Variants in MTOR observed in about 807,000 individuals in gnomAD.
MTOR encodes the protein serine/threonine-protein kinase mTOR.
Under a neutral mutation model 319.8 loss-of-function variants are expected in MTOR, and 70 were observed. The observed-to-expected ratio is 0.22, with a 90% CI of 0.18 to 0.27. The LOEUF (loss-of-function observed/expected upper bound fraction) is 0.27, where lower values mean the gene tolerates loss of function less well. Ranked by LOEUF, MTOR falls within the 10% of genes least tolerant of loss-of-function variation. MTOR has a pLI of 1.00. For missense variants in MTOR, 1,890 were observed against 3,274.4 expected, an observed-to-expected ratio of 0.58 and a Z score of 10.32; for synonymous variants, 1,183 against 1,211.4, an observed-to-expected ratio of 0.98 and a Z score of 0.49.
At chr1:11,250,039 G>C (rs897641578) in intron 6 of MTOR, among the ~76,000 whole-genome samples, 16 of 143,004 alleles carry the variant, frequency 1.1e-4, no homozygotes, top group Admixed American at 1.1e-3. Flanking sequence ...TGGCTGGCCG[G>C]GCGGGGGGCT....
At chr1:11,200,818 A>G (rs931933812) in intron 26 of MTOR, among the ~76,000 whole-genome samples, 6 of 152,016 alleles carry the variant, frequency 3.9e-5, no homozygotes, top group South Asian at 2.1e-4. Flanking sequence ...GATCGAGACC[A>G]TCCTGGCTAA....
intron 28 of MTOR, among the ~76,000 whole-genome samples, chr1:11,186,880 T>G (rs570000101): frequency 3.3e-5 from 5 of 152,184 alleles, no homozygotes; most frequent in Non-Finnish European, 7.3e-5. Flanking sequence ...GACATTTGGG[T>G]AGCTTATGCA....
rs2100922046 is a variant in MTOR at position 11,243,158 on chromosome 1, C to T, written c.1368G>A (p.Leu456=). ...GGGGCAGGGCCGCTCGGATGATGTC[C>T]AGCACGCGAGGCAAATAGACCTTAA... ...SEFKVYLPRV[L]DIIRAALPPK... is the part of the protein sequence containing the mutation. Residue 456 remains leucine, a synonymous_variant, in exon 9 of 58, where the codon CTG becomes CTA. Coordinates refer to ENST00000361445, the MANE Select transcript of MTOR (RefSeq NM_004958.4). The T allele has an allele frequency of 6.2e-7, 1 of 1,614,112 alleles. No individual in the cohort carries two copies. Among genetic ancestry groups the T allele is most frequent in the Non-Finnish European group, 8.5e-7 (1 of 1,180,038 alleles).
intron 26 of MTOR, among the ~76,000 whole-genome samples, chr1:11,201,327 A>G (rs1470061927): frequency 6.6e-6 from 1 of 152,212 alleles, no homozygotes; most frequent in African/African-American, 2.4e-5. Flanking sequence ...TAATAAATAC[A>G]TCAGCTGAGT....
At chr1:11,151,143 G>A (rs1267909321) in intron 30 of MTOR, among the ~76,000 whole-genome samples, 1 of 152,146 alleles carries the variant, frequency 6.6e-6, no homozygotes, top group East Asian at 1.9e-4. Flanking sequence ...TAGGAGGGCG[G>A]GGATAAAGAT....
chr1:11,193,073 G>C (rs937672025), intron 28 of MTOR, among the ~76,000 whole-genome samples: 1 of 151,974 alleles, frequency 6.6e-6, no homozygotes, highest in African/African-American at 2.4e-5. Context: ...AAGTTTTTTG[G>C]GAGGTGAGGT....
chr1:11,195,955 T>C (rs1359871988), intron 28 of MTOR: 1 of 152,232 alleles, frequency 6.6e-6, no homozygotes, highest in Non-Finnish European at 1.5e-5. Context: ...TTCTTTTCCT[T>C]CTACAATAAA....
chr1:11,175,534 C>T (rs1644955136), intron 28 of MTOR, among the ~76,000 whole-genome samples: 1 of 152,216 alleles, frequency 6.6e-6, no homozygotes, highest in African/African-American at 2.4e-5. Context: ...CTATAGCAAA[C>T]ATCACACCAT....
At chr1:11,211,375 G>T (rs1237193609) in intron 23 of MTOR, among the ~76,000 whole-genome samples, 2 of 152,146 alleles carry the variant, frequency 1.3e-5, no homozygotes, top group African/African-American at 4.8e-5. Flanking sequence ...GATTCAGTAG[G>T]TCTTAGGTGA....
At chr1:11,252,651 C>A (rs1649846661) in intron 6 of MTOR, among the ~76,000 whole-genome samples, 1 of 152,218 alleles carries the variant, frequency 6.6e-6, no homozygotes, top group African/African-American at 2.4e-5. Context: ...CTTCTGCACA[C>A]TGCTGCATGC....
At chr1:11,239,880 G>T (rs1647765743) in intron 11 of MTOR, among the ~76,000 whole-genome samples, 2 of 148,782 alleles carry the variant, frequency 1.3e-5, no homozygotes, top group South Asian at 4.3e-4. Flanking sequence ...ACATCAGCCT[G>T]GGCAACAGAG....
chr1:11,185,002 T>C (rs1394315986), intron 28 of MTOR, among the ~76,000 whole-genome samples: 1 of 152,208 alleles, frequency 6.6e-6, no homozygotes, highest in East Asian at 1.9e-4. Flanking sequence ...GTCTTTCACA[T>C]AGCTGCACCT....
rs745779728 is a variant in MTOR at position 11,150,251 on chromosome 1, A to G, written c.4470-25T>C. ...CCTGAAGAAAATGAATTATATAGTC[A>G]GATTAATCCAAATCTCCTTAAACTA... On this transcript the variant is annotated intron_variant, in intron 30 of 57. Transcript: ENST00000361445. 10 of 1,593,532 alleles carry G rather than the reference A, an allele frequency of 6.3e-6. No homozygotes were observed. In the East Asian group the frequency reaches 2.2e-4, roughly 36 times the overall value.
chr1:11,197,874 A>G (rs1212479939), intron 28 of MTOR, among the ~76,000 whole-genome samples: 1 of 152,304 alleles, frequency 6.6e-6, no homozygotes, highest in East Asian at 1.9e-4. Context: ...GGACAAGATC[A>G]ATCTCCAGGG....
chr1:11,218,718 C>T (rs1646559727), intron 19 of MTOR, among the ~76,000 whole-genome samples: 1 of 152,104 alleles, frequency 6.6e-6, no homozygotes, highest in African/African-American at 2.4e-5. Flanking sequence ...CACCTCAATG[C>T]TGAGTAGAGA....
At chr1:11,114,652 CATAG>C (rs1642069628) in intron 52 of MTOR, 157 bp downstream of exon 52, 4 of 1,003,450 alleles carry the variant, frequency 4.0e-6, no homozygotes, top group Non-Finnish European at 5.9e-6. Context: ...GTAAGCCTTT[CATAG>C]ATAGGTCATT....
intron 23 of MTOR, among the ~76,000 whole-genome samples, chr1:11,211,510 G>A (rs1338767855): frequency 1.3e-5 from 2 of 152,196 alleles, no homozygotes; most frequent in Non-Finnish European, 2.9e-5. Context: ...TGGGACCACA[G>A]GCACGTGTTC....
rs1162625286 is a variant in MTOR at position 11,259,241 on chromosome 1, G to A, written c.162+7C>T. On this transcript the variant is annotated splice_region_variant and intron_variant, in intron 2 of 57. Coordinates refer to ENST00000361445, the MANE Select transcript of MTOR (RefSeq NM_004958.4). ...CCACAATGACTGGCCCCAGATCCCA[G>A]AAGCACCTCTCGGAGTTCCATGGTG... 16 of 1,613,016 alleles carry A rather than the reference G, an allele frequency of 9.9e-6. No individual in the cohort carries two copies. The highest frequency in any genetic ancestry group is 1.4e-5 in the Non-Finnish European group (16 of 1,179,676).
intron 30 of MTOR, among the ~76,000 whole-genome samples, chr1:11,156,254 G>A (rs1401472127): frequency 6.6e-6 from 1 of 152,146 alleles, no homozygotes; most frequent in Non-Finnish European, 1.5e-5. Context: ...CCTCCCAAAG[G>A]GTTGGGATTA....
Sources: allele counts gnomAD v4.1 joint callset (sites outside exome capture counted in the v4.1 genomes callset), GRCh38; gene constraint gnomAD v4.1.1; transcripts MANE v1.5; gene names NCBI Gene and HGNC (gene_info 2026-07-23, HGNC 2026-07-21).